The following ACACB variants were observed in gnomAD, a reference collection of about 807,000 sequenced individuals.
The protein encoded by ACACB is acetyl-CoA carboxylase 2.
ACACB carries 209 observed loss-of-function variants against 278.8 expected under a neutral mutation model. The observed-to-expected ratio is 0.75, with a 90% CI of 0.67 to 0.84. The LOEUF (loss-of-function observed/expected upper bound fraction) is 0.84, where lower values mean the gene tolerates loss of function less well. Ranked by LOEUF, ACACB falls within the 40% of genes least tolerant of loss-of-function variation. The probability of loss-of-function intolerance (pLI) is 0.00; values close to 1 mark genes in which losing one functional copy is unlikely to be tolerated. For synonymous variants in ACACB, 1,174 were observed against 1,285.6 expected (o/e 0.91, Z 1.86); for missense variants, 2,850 against 3,269.0 (o/e 0.87, Z 3.13).
chr12:109,257,322 A>T (rs1397461003), intron 45 of ACACB, among the ~76,000 whole-genome samples: 1 of 151,782 alleles, frequency 6.6e-6, no homozygotes, highest in African/African-American at 2.4e-5. Flanking sequence ...CAAAAAATAA[A>T]AAAAAAAAAA....
At chr12:109,209,120 A>G (rs1565923656) in intron 20 of ACACB, 45 bp from the exon 21 acceptor site, 1 of 1,536,112 alleles carries the variant, frequency 6.5e-7, no homozygotes, top group Admixed American at 2.0e-5. Flanking sequence ...GGTGGTGCCC[A>G]TGCCCATGCA....
intron 2 of ACACB, among the ~76,000 whole-genome samples, chr12:109,161,737 GTA>G (rs34681726): frequency 4.9e-4 from 73 of 147,688 alleles, no homozygotes; most frequent in African/African-American, 1.3e-3. Context: ...TCTTTTGTGT[GTA>G]TGTGTGTGTG....
chr12:109,166,668 AAAAAAAAAAC>A (rs1385643773), intron 2 of ACACB, among the ~76,000 whole-genome samples, 183 bp from the exon 3 acceptor site: 35 of 145,448 alleles, frequency 2.4e-4, no homozygotes, highest in South Asian at 1.8e-3. Context: ...AAAAAAAAAA[AAAAAAAAAAC>A]CGAAGGTGCT....
chr12:109,215,181 G>A (rs2045957246), intron 22 of ACACB, among the ~76,000 whole-genome samples: 1 of 151,820 alleles, frequency 6.6e-6, no homozygotes, highest in Admixed American at 6.6e-5. Flanking sequence ...TTTTAAAATG[G>A]TCTCTATACC....
rs767367796 is a variant in ACACB at position 109,197,060 on chromosome 12, T to G, written c.2534T>G (p.Ile845Ser). The change falls in exon 17 of 53, where the codon ATC (isoleucine) becomes AGC (serine). Residue 845 changes from isoleucine (I) to serine (S), a missense_variant. Around this residue, in one of 3 missense-constraint regions of ACACB, gnomAD observed 2,265 missense variants for 2,561.3 expected, o/e 0.88. Transcript: ENST00000338432. ...GTTCTCATCATGAATGGCTGCCACA[T>G]CGAGATTGATGCCCACCGGCTGAAT... ...MFVLIMNGCH[I>S]EIDAHRLNDG... The G allele has an allele frequency of 1.1e-5, 18 of 1,593,050 alleles. 1 individual carries two copies. The Admixed American group carries it at 3.2e-4, about 29-fold the overall frequency.
At chr12:109,212,111 C>T (rs1025267570) in intron 21 of ACACB, among the ~76,000 whole-genome samples, 2 of 152,084 alleles carry the variant, frequency 1.3e-5, no homozygotes, top group African/African-American at 4.8e-5. Flanking sequence ...GCATTTTGAG[C>T]GCTTGAATTC....
intron 22 of ACACB, among the ~76,000 whole-genome samples, chr12:109,215,250 C>A (rs768794745): frequency 1.3e-5 from 2 of 152,020 alleles, no homozygotes; most frequent in African/African-American, 4.8e-5. Context: ...AAATTGGCTA[C>A]CCCTGTTCAG....
rs1207186713 is a variant in ACACB at position 109,185,619 on chromosome 12, G to A, written c.1859G>A (p.Arg620Gln). ...GVPLHRLKDI[R>Q]LLYGESPWGV... The stretch of plus-strand genomic sequence containing the variant: ...CCACTGCACCGGCTGAAGGATATCC[G>A]GCTTCTGTATGGAGAGTCACCATGG... Residue 620 changes from arginine (R) to glutamine (Q), a missense_variant, in exon 12 of 53, where the codon CGG becomes CAG. Physicochemically the swap from Arg to Gln is conservative, Grantham distance 43. This residue lies in a region of ACACB where 2,265 missense variants were observed against 2,561.3 expected (regional missense o/e 0.88). Coordinates refer to ENST00000338432, the MANE Select transcript of ACACB (RefSeq NM_001093.4). 14 of 1,613,752 alleles carry A rather than the reference G, an allele frequency of 8.7e-6. No homozygotes were observed. Among genetic ancestry groups the A allele is most frequent in the East Asian group, 6.7e-5 (3 of 44,848 alleles).
intron 1 of ACACB, among the ~76,000 whole-genome samples, chr12:109,121,076 A>T (rs893298819): frequency 6.6e-6 from 1 of 152,096 alleles, no homozygotes; most frequent in Non-Finnish European, 1.5e-5. Context: ...AGTAGCTGGG[A>T]CCACAGGTGC....
At chr12:109,182,314 C>T (rs2044504174) in intron 11 of ACACB, among the ~76,000 whole-genome samples, 1 of 152,100 alleles carries the variant, frequency 6.6e-6, no homozygotes, top group South Asian at 2.1e-4. Context: ...CTATTCAGAT[C>T]TTTTGTCTGT....
chr12:109,149,826 G>T (rs1178569364), intron 2 of ACACB, among the ~76,000 whole-genome samples: 5 of 152,192 alleles, frequency 3.3e-5, no homozygotes, highest in African/African-American at 1.2e-4. Context: ...GGAGACCAGG[G>T]CAAGGGGTCT....
chr12:109,139,093 G>C (rs2043037265), intron 1 of ACACB, among the ~76,000 whole-genome samples: 1 of 152,122 alleles, frequency 6.6e-6, no homozygotes, highest in African/African-American at 2.4e-5. Context: ...CTCAAGATTG[G>C]CCTGTTCTGC....
chr12:109,228,021 G>A (rs1472366308), intron 28 of ACACB, among the ~76,000 whole-genome samples: 11 of 139,326 alleles, frequency 7.9e-5, no homozygotes, highest in African/African-American at 1.9e-4. Flanking sequence ...GCGAAGAAGC[G>A]AGACTCCGTC....
intron 1 of ACACB, among the ~76,000 whole-genome samples, chr12:109,117,686 G>T (rs912441686): frequency 1.3e-5 from 2 of 152,148 alleles, no homozygotes; most frequent in Non-Finnish European, 2.9e-5. Context: ...ATATCAATGG[G>T]CATCCATATA....
rs766749273 is a variant in ACACB, at chr12:109,139,512, A to G, written c.107A>G (p.Lys36Arg). ...MTDSKPITKS[K>R]SEANLIPSQE... ...GACTCCAAGCCGATCACCAAGAGTA[A>G]ATCAGAAGCAAACCTCATCCCGAGC... Residue 36 changes from lysine to arginine, a missense_variant, in exon 2 of 53, where the codon AAA (lysine) becomes AGA (arginine). This residue lies in a region of ACACB where 2,265 missense variants were observed against 2,561.3 expected (regional missense o/e 0.88). Coordinates refer to ENST00000338432, the MANE Select transcript of ACACB (RefSeq NM_001093.4). The G allele has an allele frequency of 6.2e-7, 1 of 1,614,148 alleles. No homozygotes were observed. The highest frequency in any genetic ancestry group is 1.7e-5 in the Admixed American group (1 of 60,018).
At chr12:109,171,013 A>AAT (rs2044095636) in intron 4 of ACACB, among the ~76,000 whole-genome samples, 1 of 106,530 alleles carries the variant, frequency 9.4e-6, no homozygotes, top group South Asian at 3.2e-4. Flanking sequence ...CTTTTTTTGG[A>AAT]TTTTTTTTTT....
intron 16 of ACACB, among the ~76,000 whole-genome samples, chr12:109,196,565 G>C (rs187842363): frequency 1.2e-3 from 184 of 152,206 alleles, no homozygotes; most frequent in Admixed American, 3.6e-3. Flanking sequence ...CCTCCCAAAG[G>C]CTCCACCTCC....
chr12:109,168,039 C>G lies in ACACB; in HGVS notation c.925+5C>G. 3 of 1,602,282 alleles carry G rather than the reference C, an allele frequency of 1.9e-6. No individual in the cohort carries two copies. The highest frequency in any genetic ancestry group is 1.7e-6 in the Non-Finnish European group (2 of 1,173,342). On this transcript the variant is annotated splice_donor_5th_base_variant and intron_variant, in intron 4 of 52. Transcript: ENST00000338432. ...AGGACCTTAAGGCCAACGCAGGTAC[C>G]TGGGCCTTGACCCTCTCCTCCCATC...
At position 109,209,246 on chromosome 12, in the gene ACACB, A is replaced by C. The variant is rs1447338267; in HGVS notation, c.3142A>C (p.Ser1048Arg). 6.2e-7 allele frequency: 1 copy of C among 1,611,542 alleles called. No individual in the cohort carries two copies. The highest frequency in any genetic ancestry group is 1.7e-5 in the Admixed American group (1 of 59,772). Residue 1048 changes from serine to arginine, a missense_variant, in exon 21 of 53, where the codon AGC (serine) becomes CGC (arginine). By Grantham distance (110) the Ser-to-Arg change is moderately radical. Coordinates refer to ENST00000338432, the MANE Select transcript of ACACB (RefSeq NM_001093.4). ...PLLELQEIMTSVAGRIPAPVE... is the reference protein window; with the variant it reads ...PLLELQEIMTRVAGRIPAPVE... The stretch of plus-strand genomic sequence containing the variant: ...GCTGGAGCTGCAGGAGATCATGACC[A>C]GCGTGGCAGGCCGCATCCCCGCCCC...
Sources: allele counts gnomAD v4.1 joint callset (sites outside exome capture counted in the v4.1 genomes callset), GRCh38; gene constraint gnomAD v4.1.1; regional missense constraint gnomAD v4.1.1; transcripts MANE v1.5; gene names NCBI Gene and HGNC (gene_info 2026-07-23, HGNC 2026-07-21).